AGO2: variants seen among roughly 807,000 people sequenced by gnomAD.
AGO2 encodes protein argonaute-2.
AGO2 carries 5 observed loss-of-function variants against 102.3 expected under a neutral mutation model. That is an observed-to-expected ratio of 0.05 (90% confidence interval 0.03 to 0.10). AGO2 has a LOEUF of 0.10. Ranked by LOEUF, AGO2 falls within the 10% of genes least tolerant of loss-of-function variation. AGO2 has a pLI of 1.00. For synonymous variants in AGO2, 449 were observed against 473.1 expected (o/e 0.95, Z 0.66); for missense variants, 541 against 1,183.7 (o/e 0.46, Z 7.97).
rs1403173478 is a variant in AGO2, at chr8:140,567,216, CTG to C, written c.337-4584_337-4583del. On this transcript the variant is annotated intron_variant, in intron 3 of 18. Coordinates refer to ENST00000220592, the MANE Select transcript of AGO2 (RefSeq NM_012154.5). The surrounding 1 kb of genome is among the most constrained non-coding windows in gnomAD (Gnocchi z 5.0). ...AAGGACAGCAGAGTCACCCCGGGCT[CTG>C]TAACTATCTGCCCATCCCACGTCCA... Among the ~76,000 whole-genome samples the C allele has an allele frequency of 6.6e-6, 1 of 152,264 alleles. No individual in the cohort carries two copies.
chr8:140,570,155 G>C (rs2073356167), intron 3 of AGO2, among the ~76,000 whole-genome samples: 1 of 152,258 alleles, frequency 6.6e-6, no homozygotes, highest in South Asian at 2.1e-4. Context: ...TGCAGCCGGG[G>C]TACCCCCATG....
chr8:140,547,685 G>T, intron 12 of AGO2, 58 bp from the exon 13 acceptor site: 1 of 1,558,150 alleles, frequency 6.4e-7, no homozygotes. Context: ...AGCTGGCCCC[G>T]AGAGCAGCAG....
chr8:140,608,333 G>A (rs2074031575), intron 1 of AGO2, among the ~76,000 whole-genome samples: 1 of 152,204 alleles, frequency 6.6e-6, no homozygotes, highest in Admixed American at 6.5e-5. Context: ...GCAGCGCAGT[G>A]GCCACTTTCC....
chr8:140,629,913 G>A (rs1335537078), intron 1 of AGO2, among the ~76,000 whole-genome samples: 4 of 145,620 alleles, frequency 2.7e-5, no homozygotes, highest in African/African-American at 5.1e-5. Flanking sequence ...GAGCGGAGGC[G>A]AGGGGAGGGG....
chr8:140,639,447 C>T (rs192535367), upstream of AGO2, among the ~76,000 whole-genome samples: 9 of 150,684 alleles, frequency 6.0e-5, no homozygotes. Flanking sequence ...TGCCACTGCA[C>T]TCCAACCTGG....
intron 6 of AGO2, 131 bp from the exon 7 acceptor site, chr8:140,558,703 G>A (rs934635946): frequency 3.2e-6 from 3 of 950,462 alleles, no homozygotes; most frequent in Admixed American, 4.6e-5. Context: ...GGCTCCCCTA[G>A]GGAGGGTGAC....
intron 3 of AGO2, among the ~76,000 whole-genome samples, chr8:140,566,014 G>T (rs533009555): frequency 2.0e-5 from 3 of 151,890 alleles, no homozygotes; most frequent in Admixed American, 1.3e-4. Context: ...CTCCAGCCTG[G>T]GTAACAGAGA....
chr8:140,634,230 G>A (rs907603618), intron 1 of AGO2, among the ~76,000 whole-genome samples: 1 of 152,266 alleles, frequency 6.6e-6, no homozygotes, highest in Non-Finnish European at 1.5e-5. Context: ...GAAAAAAGAC[G>A]CGACATTCGC....
rs141073534 is a variant in AGO2 at position 140,557,008 on chromosome 8, C to G, written c.1026+81G>C. 11 of 1,516,930 alleles carry G rather than the reference C, an allele frequency of 7.3e-6. No homozygotes were observed. The highest frequency in any genetic ancestry group is 2.0e-4 in the Middle Eastern group (1 of 5,090). 94.0% of individuals were successfully genotyped at this position (1,516,930 alleles called of 1,614,324 possible). A position where few individuals can be genotyped will look rare whatever the true frequency, so the allele number is the denominator to read the frequency against. On this transcript the variant is annotated intron_variant, in intron 8 of 18. Transcript: ENST00000220592. This position sits in a 1 kb window ranked among gnomAD's most constrained non-coding sequence, Gnocchi z 5.9. ...CATTTGTATCTGACTGGGGCCTCGG[C>G]GGTTTCTCGAAGCTGCATGCCCCAG...
chr8:140,640,526 CTT>C (rs368379500), upstream of AGO2, among the ~76,000 whole-genome samples: 1 of 148,356 alleles, frequency 6.7e-6, no homozygotes, highest in African/African-American at 2.5e-5. Flanking sequence ...GCTGGTGTTT[CTT>C]TTTTTTTTGA....
Position 140,526,570 on chromosome 8 carries a change from C to T in AGO2, c.*5474G>A, listed in dbSNP as rs1227395305. On this transcript the variant is annotated 3_prime_UTR_variant, in exon 19 of 19. Coordinates refer to ENST00000220592, the MANE Select transcript of AGO2 (RefSeq NM_012154.5). The surrounding 1 kb of genome is among the most constrained non-coding windows in gnomAD (Gnocchi z 5.2). ...ATGTTCACAATTCAGTTTATTCAGG[C>T]AACATATTGGCTGTTTTCAGTGTGG... The T allele has an allele frequency of 1.3e-5, 2 of 152,122 alleles. No individual in the cohort carries two copies. The highest frequency in any genetic ancestry group is 4.8e-5 in the African/African-American group (2 of 41,408). 9.4% of individuals were successfully genotyped at this position (152,122 alleles called of 1,614,324 possible).
intron 10 of AGO2, among the ~76,000 whole-genome samples, chr8:140,552,740 G>A (rs62527845): frequency 9.9e-5 from 13 of 130,976 alleles, no homozygotes; most frequent in African/African-American, 3.0e-4. Context: ...GCGCGCGCGC[G>A]CACACACACA....
chr8:140,621,742 A>G (rs2074219567), intron 1 of AGO2, among the ~76,000 whole-genome samples: 1 of 152,224 alleles, frequency 6.6e-6, no homozygotes, highest in African/African-American at 2.4e-5. Flanking sequence ...CTAATCTGCT[A>G]GAAATGGTTT....
intron 1 of AGO2, among the ~76,000 whole-genome samples, chr8:140,631,048 C>CA (rs2074334854): frequency 6.6e-6 from 1 of 152,124 alleles, no homozygotes; most frequent in African/African-American, 2.4e-5. Flanking sequence ...AGAACAACCC[C>CA]AACCCTCAGA....
chr8:140,618,942 G>A (rs2074179254), intron 1 of AGO2, among the ~76,000 whole-genome samples: 1 of 151,596 alleles, frequency 6.6e-6, no homozygotes, highest in Admixed American at 6.6e-5. Context: ...TTATCATGAT[G>A]GAAAGAACAG....
At chr8:140,605,864 G>A (rs995827562) in intron 1 of AGO2, 6 of 152,226 alleles carry the variant, frequency 3.9e-5, no homozygotes, top group African/African-American at 1.4e-4. Context: ...TGCTGTGCAG[G>A]AAAATTGCCC....
intron 17 of AGO2, among the ~76,000 whole-genome samples, chr8:140,532,901 G>C (rs180681333): frequency 6.6e-6 from 1 of 151,950 alleles, no homozygotes; most frequent in East Asian, 1.9e-4. Context: ...GGGAGACTGA[G>C]GCAGGAGAAT....
At chr8:140,623,531 G>A (rs1007337694) in intron 1 of AGO2, among the ~76,000 whole-genome samples, 5 of 152,300 alleles carry the variant, frequency 3.3e-5, no homozygotes, top group South Asian at 4.1e-4. Flanking sequence ...TCAGGCCCCC[G>A]GCTGGACACG....
At chr8:140,564,689 T>C (rs1467754722) in intron 3 of AGO2, among the ~76,000 whole-genome samples, 1 of 152,238 alleles carries the variant, frequency 6.6e-6, no homozygotes, top group East Asian at 1.9e-4. Flanking sequence ...ATGCCTGTAA[T>C]CCCAGCACTT....
Sources: gnomAD v4.1 joint callset for allele counts (sites outside exome capture counted in the v4.1 genomes callset) on GRCh38, gnomAD v4.1.1 for gene constraint, Gnocchi (gnomAD v3.1) non-coding constraint, MANE v1.5 for transcripts, NCBI Gene and HGNC (gene_info 2026-07-23, HGNC 2026-07-21) for gene names.